HTR2C: variants seen among roughly 807,000 people sequenced by gnomAD.
The protein encoded by HTR2C is 5-hydroxytryptamine receptor 2C.
In HTR2C, 5 loss-of-function variants were observed where a neutral mutation model predicts 21.0. That is an observed-to-expected ratio of 0.24 (90% confidence interval 0.12 to 0.50). The LOEUF is 0.50. HTR2C is among the 20% of genes least tolerant of loss of function. HTR2C has a pLI of 0.98. For missense variants in HTR2C, 271 were observed against 371.2 expected, an observed-to-expected ratio of 0.73 and a Z score of 2.22; for synonymous variants, 150 against 145.3, an observed-to-expected ratio of 1.03 and a Z score of -0.23.
intron 4 of HTR2C, among the ~76,000 whole-genome samples, chrX:114,814,266 C>T (rs782383615): frequency 3.3e-4 from 36 of 109,737 alleles, no homozygotes; most frequent in African/African-American, 4.3e-4. Context: ...CCTTTTTAGT[C>T]AAGTTTTATT....
At chrX:114,602,776 A>G (rs1467388188) in intron 1 of HTR2C, among the ~76,000 whole-genome samples, 2 of 40,619 alleles carry the variant, frequency 4.9e-5, no homozygotes, top group African/African-American at 1.9e-4. Context: ...TATTTTAGTT[A>G]TCTGACTCAG....
chrX:114,735,467 A>G (rs2069581521), intron 4 of HTR2C, among the ~76,000 whole-genome samples: 1 of 111,857 alleles, frequency 8.9e-6, no homozygotes, highest in East Asian at 2.8e-4. Flanking sequence ...GCTAAAATAA[A>G]AGAAATGGTA....
At chrX:114,629,548 G>A (rs1431826865) in intron 2 of HTR2C, among the ~76,000 whole-genome samples, 1 of 112,117 alleles carries the variant, frequency 8.9e-6, no homozygotes, top group East Asian at 2.8e-4. Flanking sequence ...TTGTGGGAAC[G>A]TGAACCAACT....
At chrX:114,834,364 G>A (rs2070759838) in intron 4 of HTR2C, among the ~76,000 whole-genome samples, 1 of 104,223 alleles carries the variant, frequency 9.6e-6, no homozygotes, top group Non-Finnish European at 2.0e-5. Flanking sequence ...CTCAGGACTT[G>A]CTTTATGAAT....
At chrX:114,895,206 CAA>C (rs2071287283) in intron 5 of HTR2C, among the ~76,000 whole-genome samples, 1 of 111,545 alleles carries the variant, frequency 9.0e-6, no homozygotes, top group African/African-American at 3.3e-5. Context: ...AAAATTATAA[CAA>C]AGTGTTGTGG....
chrX:114,806,489 A>G lies in HTR2C; in HGVS notation c.350-41514A>G, dbSNP rs1274211169. ...CCATATATATATACTGTATATATATACACCATATATATACACCATATATAC... is the reference window on the plus strand; with the variant it reads ...CCATATATATATACTGTATATATATGCACCATATATATACACCATATATAC... On this transcript the variant is annotated intron_variant, in intron 4 of 5. Coordinates refer to ENST00000276198, the MANE Select transcript of HTR2C (RefSeq NM_000868.4). 2.0e-3 allele frequency among the ~76,000 whole-genome samples: 6 copies of G among 2,952 alleles called. 1 individual carries two copies. In the East Asian group the frequency reaches 0.43, roughly 211 times the overall value. 2.6% of individuals were successfully genotyped at this position (2,952 alleles called of 115,157 possible). A position where few individuals can be genotyped will look rare whatever the true frequency, so the allele number is the denominator to read the frequency against.
At chrX:114,744,903 A>G (rs1556425849) in intron 4 of HTR2C, among the ~76,000 whole-genome samples, 1 of 112,373 alleles carries the variant, frequency 8.9e-6, no homozygotes, top group Non-Finnish European at 1.9e-5. Context: ...AATTATTTCT[A>G]TCAATTCAAC....
rs1556488160 is a variant in HTR2C at position 114,909,421 on chromosome X, GA to G, written c.*2008del. The stretch of plus-strand genomic sequence containing the variant: ...ATGTAGGGCAGAATAGCTGATAGAA[GA>G]AGGACTGAAGAAAATCCTTCAGCAA... On this transcript the variant is annotated 3_prime_UTR_variant, in exon 6 of 6. Coordinates refer to ENST00000276198, the MANE Select transcript of HTR2C (RefSeq NM_000868.4). The G allele has an allele frequency of 2.7e-5, 3 of 112,221 alleles. No homozygotes were observed. Among genetic ancestry groups the G allele is most frequent in the African/African-American group, 9.7e-5 (3 of 30,809 alleles). 9.2% of individuals were successfully genotyped at this position (112,221 alleles called of 1,213,427 possible). A position where few individuals can be genotyped will look rare whatever the true frequency, so the allele number is the denominator to read the frequency against.
At chrX:114,700,749 G>A (rs374258263) in intron 2 of HTR2C, among the ~76,000 whole-genome samples, 2 of 112,532 alleles carry the variant, frequency 1.8e-5, no homozygotes, top group African/African-American at 6.4e-5. Context: ...GCCGAAGCAC[G>A]GCGAGGCATT....
At chrX:114,600,508 G>C (rs781928788) in intron 1 of HTR2C, among the ~76,000 whole-genome samples, 31 of 111,038 alleles carry the variant, frequency 2.8e-4, no homozygotes, top group Admixed American at 9.6e-4. Flanking sequence ...TAGTAATAAA[G>C]ATGGAAAAAG....
chrX:114,648,107 A>T (rs782465034), intron 2 of HTR2C, among the ~76,000 whole-genome samples: 1 of 112,090 alleles, frequency 8.9e-6, no homozygotes, highest in East Asian at 2.8e-4. Flanking sequence ...AGTGGATAGT[A>T]GTGGAGAAGT....
At chrX:114,664,004 A>C (rs1339768319) in intron 2 of HTR2C, among the ~76,000 whole-genome samples, 10 of 111,785 alleles carry the variant, frequency 8.9e-5, no homozygotes, top group Non-Finnish European at 1.5e-4. Context: ...GTGAAGGCTC[A>C]GAAGATTATT....
At chrX:114,719,043 TTAA>T (rs1263180529) in intron 2 of HTR2C, among the ~76,000 whole-genome samples, 5 of 103,351 alleles carry the variant, frequency 4.8e-5, no homozygotes, top group Non-Finnish European at 9.8e-5. Flanking sequence ...TATAATAATA[TTAA>T]TAATATAATT....
At chrX:114,701,223 G>T (rs374389718) in intron 2 of HTR2C, among the ~76,000 whole-genome samples, 1 of 112,045 alleles carries the variant, frequency 8.9e-6, no homozygotes, top group African/African-American at 3.2e-5. Context: ...CTCCCAGCAC[G>T]CAGCTGGAGA....
chrX:114,697,366 G>A (rs1202173676), intron 2 of HTR2C, among the ~76,000 whole-genome samples: 2 of 111,823 alleles, frequency 1.8e-5, no homozygotes, highest in Non-Finnish European at 3.8e-5. Context: ...AGTATCTTCC[G>A]CTTTTTTGGC....
intron 1 of HTR2C, among the ~76,000 whole-genome samples, chrX:114,607,189 T>C (rs1265776581): frequency 8.9e-6 from 1 of 112,150 alleles, no homozygotes; most frequent in Non-Finnish European, 1.9e-5. Context: ...TCTGGGCATA[T>C]ACGTGCAAGT....
intron 2 of HTR2C, among the ~76,000 whole-genome samples, chrX:114,667,233 AAATT>A (rs1359532745): frequency 2.7e-5 from 3 of 111,369 alleles, no homozygotes; most frequent in South Asian, 3.7e-4. Flanking sequence ...AAAACAATAA[AAATT>A]AATTATTTAT....
rs781809362 is a variant in HTR2C at position 114,748,981 on chromosome X, T to G, written c.349+17374T>G. Among the ~76,000 whole-genome samples the G allele has an allele frequency of 5.4e-5, 6 of 111,789 alleles. No homozygotes were observed. In the East Asian group the frequency reaches 1.7e-3, roughly 31 times the overall value. On this transcript the variant is annotated intron_variant, in intron 4 of 5. Transcript: ENST00000276198. Reference sequence around the variant, plus strand: ...TAAAGAATATTCAGCAGTAACATATTCAGTAAACGATTTGTATCCTGAATA... The same window carrying G: ...TAAAGAATATTCAGCAGTAACATATGCAGTAAACGATTTGTATCCTGAATA...
intron 5 of HTR2C, among the ~76,000 whole-genome samples, chrX:114,898,637 T>G (rs2071314413): frequency 8.9e-6 from 1 of 112,026 alleles, no homozygotes. Context: ...CAAGCACAAT[T>G]TATTAAATAG....
Sources: allele counts gnomAD v4.1 joint callset (sites outside exome capture counted in the v4.1 genomes callset), GRCh38; gene constraint gnomAD v4.1.1; transcripts MANE v1.5; gene names NCBI Gene and HGNC (gene_info 2026-07-23, HGNC 2026-07-21).